Variants in ITPKB observed in about 807,000 individuals in gnomAD.
ITPKB encodes the protein inositol-trisphosphate 3-kinase B.
In ITPKB, 13 loss-of-function variants were observed where a neutral mutation model predicts 69.4. That is an observed-to-expected ratio of 0.19 (90% CI 0.12 to 0.30). The LOEUF (loss-of-function observed/expected upper bound fraction) is 0.30. ITPKB is among the 10% of genes least tolerant of loss of function. The probability of loss-of-function intolerance (pLI) is 1.00; values close to 1 mark genes in which losing one functional copy is unlikely to be tolerated. For missense variants in ITPKB, 1,240 were observed against 1,250.5 expected, an observed-to-expected ratio of 0.99 and a Z score of 0.13; for synonymous variants, 584 against 513.7, an observed-to-expected ratio of 1.14 and a Z score of -1.85.
chr1:226,663,858 T>C (rs1669445834), intron 2 of ITPKB, among the ~76,000 whole-genome samples: 1 of 152,150 alleles, frequency 6.6e-6, no homozygotes, highest in Non-Finnish European at 1.5e-5. Flanking sequence ...TATTGAGGTA[T>C]TTTGCAGCAG....
intron 2 of ITPKB, among the ~76,000 whole-genome samples, chr1:226,701,166 G>A (rs1010820267): frequency 2.0e-5 from 3 of 152,192 alleles, no homozygotes; most frequent in African/African-American, 4.8e-5. Context: ...TGTGTGAGCC[G>A]CAGCAAGGCT....
intron 2 of ITPKB, among the ~76,000 whole-genome samples, chr1:226,708,622 C>A (rs1251839768): frequency 6.6e-6 from 1 of 152,228 alleles, no homozygotes; most frequent in African/African-American, 2.4e-5. Flanking sequence ...CTGTAGCACC[C>A]ATCTGGCAAC....
intron 2 of ITPKB, among the ~76,000 whole-genome samples, chr1:226,678,459 G>A (rs1467811797): frequency 1.3e-5 from 2 of 152,232 alleles, no homozygotes; most frequent in East Asian, 1.9e-4. Flanking sequence ...CCTGGAGCAG[G>A]CTGATTAGTC....
At chr1:226,677,916 C>T (rs764588137) in intron 2 of ITPKB, among the ~76,000 whole-genome samples, 7 of 152,248 alleles carry the variant, frequency 4.6e-5, no homozygotes, top group East Asian at 3.9e-4. Context: ...AAGGAGGAGA[C>T]GAGGAGCTTC....
rs1365980144 is a variant in ITPKB at position 226,736,711 on chromosome 1, C to T, written c.748G>A (p.Gly250Ser). The change falls in exon 2 of 8, where the codon GGT becomes AGT. Residue 250 changes from glycine (G) to serine (S), a missense_variant. Coordinates refer to ENST00000429204, the MANE Select transcript of ITPKB (RefSeq NM_002221.4). ...RAAPTGSEAQGPSAFVRMEKG... is the reference protein window; with the variant it reads ...RAAPTGSEAQSPSAFVRMEKG... ...TCCATCCTTACAAAAGCGGATGGAC[C>T]CTGAGCCTCTGATCCTGTAGGGGCA... 1.2e-6 allele frequency: 2 copies of T among 1,612,768 alleles called. No homozygotes were observed. The highest frequency in any genetic ancestry group is 1.6e-4 in the Middle Eastern group (1 of 6,062).
intron 2 of ITPKB, among the ~76,000 whole-genome samples, chr1:226,705,420 T>C (rs554810831): frequency 6.6e-6 from 1 of 151,698 alleles, no homozygotes; most frequent in South Asian, 2.1e-4. Context: ...ACCCAGCTAC[T>C]CGGGAGGCTG....
At chr1:226,655,923 T>C (rs1331669694) in intron 2 of ITPKB, among the ~76,000 whole-genome samples, 1 of 152,166 alleles carries the variant, frequency 6.6e-6, no homozygotes, top group African/African-American at 2.4e-5. Flanking sequence ...CATGGCACCA[T>C]CTGCAGCGCA....
intron 2 of ITPKB, among the ~76,000 whole-genome samples, chr1:226,722,912 G>A (rs1366781465): frequency 6.6e-6 from 1 of 152,210 alleles, no homozygotes; most frequent in African/African-American, 2.4e-5. Context: ...AACCCCCAGG[G>A]GTCAACCCTG....
intron 2 of ITPKB, among the ~76,000 whole-genome samples, chr1:226,683,190 G>A (rs1237870223): frequency 6.6e-6 from 1 of 152,232 alleles, no homozygotes; most frequent in African/African-American, 2.4e-5. Flanking sequence ...CCAAGGCAGA[G>A]AGGGCTGGGG....
chr1:226,738,484 G>A lies in ITPKB; in HGVS notation c.-206+557C>T, dbSNP rs1351906464. Among the ~76,000 whole-genome samples the A allele has an allele frequency of 6.6e-6, 1 of 152,018 alleles. No individual in the cohort carries two copies. Among genetic ancestry groups the A allele is most frequent in the Non-Finnish European group, 1.5e-5 (1 of 68,042 alleles). Reference sequence around the variant, plus strand: ...TCTGTGAGTGTGTGTGTATACACGCGTGTGTGTATACGCCGCACGCGCGCG... The same window carrying A: ...TCTGTGAGTGTGTGTGTATACACGCATGTGTGTATACGCCGCACGCGCGCG... On this transcript the variant is annotated intron_variant, in intron 1 of 7. Transcript: ENST00000429204. The surrounding 1 kb of genome is among the most constrained non-coding windows in gnomAD (Gnocchi z 4.2).
intron 2 of ITPKB, among the ~76,000 whole-genome samples, chr1:226,711,405 A>AAGAGAGAGAGAGAGAGAGAGAGAG (rs59479705): frequency 7.7e-6 from 1 of 129,790 alleles, no homozygotes; most frequent in African/African-American, 2.9e-5. Context: ...GGTGTTTTGA[A>AAGAGAGAGAGAGAGAGAGAGAGAG]AGAGAGAGAG....
rs76031170 is a variant in ITPKB, at chr1:226,719,772, C to A, written c.1932+15755G>T. Among the ~76,000 whole-genome samples, 1,220 of 152,304 alleles carry A rather than the reference C, an allele frequency of 8.0e-3. 26 individuals are homozygous for A. The highest frequency in any genetic ancestry group is 0.026 in the African/African-American group (1,086 of 41,560). ...GCAAGCCCCACGCAGCACAGAGGCC[C>A]ACGATGCTCTCTCTGGGTGGCCTGA... is the stretch of plus-strand genomic sequence containing the variant. On this transcript the variant is annotated intron_variant, in intron 2 of 7. Coordinates refer to ENST00000429204, the MANE Select transcript of ITPKB (RefSeq NM_002221.4).
chr1:226,709,663 G>A lies in ITPKB; in HGVS notation c.1932+25864C>T, dbSNP rs7546892. On this transcript the variant is annotated intron_variant, in intron 2 of 7. Coordinates refer to ENST00000429204, the MANE Select transcript of ITPKB (RefSeq NM_002221.4). The stretch of plus-strand genomic sequence containing the variant: ...CCCTGACCTTCCTTTGTCTAAATAT[G>A]AAACTTCCATGACTGGGGACCAACG... Among the ~76,000 whole-genome samples, 1,397 of 152,192 alleles carry A rather than the reference G, an allele frequency of 9.2e-3. 25 individuals carry two copies. Among genetic ancestry groups the A allele is most frequent in the African/African-American group, 0.032 (1,335 of 41,494 alleles).
intron 2 of ITPKB, among the ~76,000 whole-genome samples, chr1:226,717,361 T>C (rs1558094752): frequency 1.3e-5 from 2 of 152,216 alleles, no homozygotes; most frequent in Admixed American, 1.3e-4. Context: ...CCCATGTTTC[T>C]TTTTTGGCTT....
intron 2 of ITPKB, among the ~76,000 whole-genome samples, chr1:226,659,020 C>T (rs751779426): frequency 3.3e-5 from 5 of 152,214 alleles, no homozygotes; most frequent in Non-Finnish European, 5.9e-5. Context: ...CCTGGTCGGG[C>T]TGAAGGCTGG....
In ITPKB at chr1:226,670,154, G is replaced by A. The variant is rs148616067; in HGVS notation, c.1933-21383C>T. Among the ~76,000 whole-genome samples the A allele has an allele frequency of 1.7e-3, 220 of 127,546 alleles. 2 individuals carry two copies. Among genetic ancestry groups the A allele is most frequent in the African/African-American group, 6.6e-3 (212 of 32,000 alleles). The allele number at this position is 127,546 out of a possible 152,430, so 83.7% of individuals were successfully genotyped here. A position where few individuals can be genotyped will look rare whatever the true frequency, so the allele number is the denominator to read the frequency against. Reference sequence around the variant, plus strand: ...CTCCCAAAATGCTGGGATTACAGGCGTGAGCCACCAAGCTCCGCCGCAAAA... The same window carrying A: ...CTCCCAAAATGCTGGGATTACAGGCATGAGCCACCAAGCTCCGCCGCAAAA... On this transcript the variant is annotated intron_variant, in intron 2 of 7. Transcript: ENST00000429204.
chr1:226,722,926 G>A (rs931609038), intron 2 of ITPKB, among the ~76,000 whole-genome samples: 2 of 152,184 alleles, frequency 1.3e-5, no homozygotes, highest in Admixed American at 1.3e-4. Flanking sequence ...AACCCTGCAG[G>A]CTACCTGCTC....
chr1:226,699,331 C>A (rs1478448080), intron 2 of ITPKB, among the ~76,000 whole-genome samples: 2 of 152,260 alleles, frequency 1.3e-5, no homozygotes, highest in African/African-American at 4.8e-5. Flanking sequence ...ACCCTCCGGG[C>A]TGCTGACGAC....
intron 3 of ITPKB, among the ~76,000 whole-genome samples, 177 bp downstream of exon 3, chr1:226,648,495 C>A (rs1460658313): frequency 6.6e-6 from 1 of 152,176 alleles, no homozygotes; most frequent in East Asian, 1.9e-4. Context: ...GGTCCGTTGT[C>A]TATGGCATTT....
Sources: gnomAD v4.1 joint callset for allele counts (sites outside exome capture counted in the v4.1 genomes callset) on GRCh38, gnomAD v4.1.1 for gene constraint, Gnocchi (gnomAD v3.1) non-coding constraint, MANE v1.5 for transcripts, NCBI Gene and HGNC (gene_info 2026-07-23, HGNC 2026-07-21) for gene names.